The following CNDP2 variants were observed in gnomAD, a reference collection of about 807,000 sequenced individuals.
The protein encoded by CNDP2 is carnosine dipeptidase 2, also known as cytosolic non-specific dipeptidase.
A neutral mutation model predicts 55.0 loss-of-function variants in CNDP2; 38 were observed. The ratio of observed to expected loss-of-function variants is 0.69; its 90% CI spans 0.53 to 0.90. CNDP2 has a LOEUF of 0.90. Among genes scored for constraint, CNDP2 ranks in the 40% least tolerant of loss-of-function variants. CNDP2 has a pLI of 0.00. For missense variants in CNDP2, 607 were observed against 621.7 expected, an observed-to-expected ratio of 0.98 and a Z score of 0.25; for synonymous variants, 241 against 260.2, an observed-to-expected ratio of 0.93 and a Z score of 0.71.
chr18:74,501,253 T>C, intron 2 of CNDP2, 76 bp from the exon 3 acceptor site: 1 of 1,539,462 alleles, frequency 6.5e-7, no homozygotes, highest in Non-Finnish European at 8.8e-7. Flanking sequence ...GCCTGGAATG[T>C]GGCAACGTTA....
Position 74,501,165 on chromosome 18 carries a change from T to A in CNDP2, c.61-164T>A, listed in dbSNP as rs146244112. ...CCCTCAGTACAAACAGTTTTTAAAA[T>A]CTTTAACCCAAAGCACACGTGATGG... On this transcript the variant is annotated intron_variant, in intron 2 of 11. Transcript: ENST00000324262. 2.8e-5 allele frequency: 38 copies of A among 1,355,750 alleles called. No individual in the cohort carries two copies. The African/African-American group carries it at 5.2e-4, about 18-fold the overall frequency. The allele number at this position is 1,355,750 out of a possible 1,614,324, so 84.0% of individuals were successfully genotyped here.
chr18:74,511,436 G>A (rs1979346170), intron 6 of CNDP2, among the ~76,000 whole-genome samples: 1 of 152,222 alleles, frequency 6.6e-6, no homozygotes, highest in Non-Finnish European at 1.5e-5. Context: ...GCCGGGTGCA[G>A]TGGCTCACGC....
rs777521407 is a variant in CNDP2 at position 74,518,481 on chromosome 18, A to G, written c.1069-18A>G. ...AGCTTATAAAGCATTGTATACCTCT[A>G]TTCTATTTGTGGTTTAGGTCACAAG... is the stretch of plus-strand genomic sequence containing the variant. On this transcript the variant is annotated intron_variant, in intron 9 of 11. Coordinates refer to ENST00000324262, the MANE Select transcript of CNDP2 (RefSeq NM_018235.3). 1.9e-6 allele frequency: 3 copies of G among 1,614,044 alleles called. No homozygotes were observed. The highest frequency in any genetic ancestry group is 2.5e-6 in the Non-Finnish European group (3 of 1,179,964).
Position 74,522,015 on chromosome 18 carries a change from C to A in CNDP2, c.*1947C>A, listed in dbSNP as rs12717111. On this transcript the variant is annotated 3_prime_UTR_variant, in exon 12 of 12. Coordinates refer to ENST00000324262, the MANE Select transcript of CNDP2 (RefSeq NM_018235.3). ...TCTGGGAACATCACACTCATCGTGA[C>A]AAAACATCAGACAAACCCAAACGGA... 144,885 of 152,308 alleles carry A rather than the reference C, an allele frequency of 0.95. 69,294 individuals are homozygous for A. The highest frequency in any genetic ancestry group is 1 in the South Asian group (4,828 of 4,830). The allele number at this position is 152,308 out of a possible 1,614,324, so 9.4% of individuals were successfully genotyped here. A position where few individuals can be genotyped will look rare whatever the true frequency, so the allele number is the denominator to read the frequency against.
intron 3 of CNDP2, among the ~76,000 whole-genome samples, chr18:74,503,489 C>T (rs1448525192): frequency 1.3e-5 from 2 of 152,258 alleles, no homozygotes; most frequent in African/African-American, 2.4e-5. Flanking sequence ...TGATGTTGGG[C>T]GTTTCAGAAC....
At position 74,510,827 on chromosome 18, in the gene CNDP2, C is replaced by T. The variant is rs35740490; in HGVS notation, c.471C>T (p.Asn157=). The part of the protein sequence containing the change: ...YQKTGQEIPV[N]VRFCLEGMEE... ...CCTTCTCACAGGAGATTCCTGTCAA[C>T]GTCCGATTCTGCCTCGAAGGCATGG... The change falls in exon 6 of 12, where the codon AAC becomes AAT. Residue 157 remains asparagine, a synonymous_variant. Transcript: ENST00000324262. 0.015 allele frequency: 24,938 copies of T among 1,613,548 alleles called. 238 individuals are homozygous for T. The highest frequency in any genetic ancestry group is 0.019 in the Non-Finnish European group (21,938 of 1,179,702).
At chr18:74,500,510 G>A (rs1978632006) in intron 2 of CNDP2, among the ~76,000 whole-genome samples, 1 of 152,144 alleles carries the variant, frequency 6.6e-6, no homozygotes, top group Admixed American at 6.6e-5. Flanking sequence ...GCAACATTGG[G>A]TATTTTCTGT....
chr18:74,509,610 G>T (rs962799179), intron 5 of CNDP2: 1 of 146,922 alleles, frequency 6.8e-6, no homozygotes, highest in African/African-American at 2.5e-5. Flanking sequence ...TCCAGCCTGG[G>T]TGACAGGGCG....
chr18:74,510,115 T>C (rs1452761438), intron 5 of CNDP2, among the ~76,000 whole-genome samples: 1 of 151,736 alleles, frequency 6.6e-6, no homozygotes, highest in Non-Finnish European at 1.5e-5. Flanking sequence ...CGGGCAGAGG[T>C]CCTGTGGAAG....
chr18:74,513,423 C>T, intron 7 of CNDP2, 136 bp from the exon 8 acceptor site: 1 of 879,420 alleles, frequency 1.1e-6, no homozygotes, highest in Non-Finnish European at 1.7e-6. Flanking sequence ...TGCTCTTGGC[C>T]CCTCCTCAGC....
intron 9 of CNDP2, chr18:74,516,655 C>T (rs930380537): frequency 2.3e-6 from 1 of 442,024 alleles, no homozygotes; most frequent in Non-Finnish European, 4.0e-6. Context: ...GGCCAAACAC[C>T]AACTTTGGAC....
At chr18:74,508,797 C>A in intron 4 of CNDP2, 43 bp from the exon 5 acceptor site, 1 of 1,534,202 alleles carries the variant, frequency 6.5e-7, no homozygotes, top group Non-Finnish European at 9.0e-7. Flanking sequence ...CTTCTGGGTT[C>A]CTTGTAATCA....
intron 4 of CNDP2, among the ~76,000 whole-genome samples, chr18:74,506,651 C>CT (rs1979043328): frequency 6.6e-6 from 1 of 152,230 alleles, no homozygotes; most frequent in African/African-American, 2.4e-5. Flanking sequence ...CTCCCCGGCC[C>CT]TTACCAACAG....
chr18:74,500,069 T>G, intron 2 of CNDP2, 36 bp downstream of exon 2: 4 of 1,570,352 alleles, frequency 2.5e-6, no homozygotes, highest in Non-Finnish European at 3.5e-6. Context: ...CAGTAAAATC[T>G]GATTTAATCC....
chr18:74,503,132 T>G (rs1166045220), intron 3 of CNDP2, among the ~76,000 whole-genome samples: 1 of 150,952 alleles, frequency 6.6e-6, no homozygotes, highest in East Asian at 2.0e-4. Context: ...TTTTTAGGAG[T>G]TGTTTCATTA....
chr18:74,510,904 C>G lies in CNDP2; in HGVS notation c.548C>G (p.Thr183Arg), dbSNP rs907469842. The change falls in exon 6 of 12, where the codon ACA (threonine) becomes AGA (arginine). Residue 183 changes from threonine (T) to arginine (R), a missense_variant. By Grantham distance (71) the Thr-to-Arg change is moderately conservative. Transcript: ENST00000324262. ...GAGCTGATTTTTGCCCGGAAAGACA[C>G]ATTCTTTAAGGATGTGGACTATGTC... is the stretch of plus-strand genomic sequence containing the variant. ...LDELIFARKD[T>R]FFKDVDYVCI... 1 of 1,614,152 alleles carries G rather than the reference C, an allele frequency of 6.2e-7. No homozygotes were observed. The highest frequency in any genetic ancestry group is 8.5e-7 in the Non-Finnish European group (1 of 1,180,000).
chr18:74,509,115 A>G, intron 5 of CNDP2, 187 bp downstream of exon 5: 1 of 562,122 alleles, frequency 1.8e-6, no homozygotes, highest in Non-Finnish European at 3.2e-6. Context: ...TTTAGGAAAC[A>G]TTCAAAGTGT....
intron 2 of CNDP2, 60 bp from the exon 3 acceptor site, chr18:74,501,269 G>A (rs1466871376): frequency 6.4e-7 from 1 of 1,564,232 alleles, no homozygotes; most frequent in Non-Finnish European, 8.7e-7. Flanking sequence ...CGTTACGGGA[G>A]CCTCTTCTCC....
intron 3 of CNDP2, among the ~76,000 whole-genome samples, chr18:74,502,728 G>C (rs767806041): frequency 3.3e-5 from 5 of 152,018 alleles, no homozygotes; most frequent in Non-Finnish European, 7.4e-5. Context: ...GCTTATCTCG[G>C]TTCTTTGGCC....
Sources: gnomAD v4.1 joint callset for allele counts (sites outside exome capture counted in the v4.1 genomes callset) on GRCh38, gnomAD v4.1.1 for gene constraint, MANE v1.5 for transcripts, NCBI Gene and HGNC (gene_info 2026-07-23, HGNC 2026-07-21) for gene names.